UBE3C: variants seen among roughly 807,000 people sequenced by gnomAD.
The protein encoded by UBE3C is ubiquitin protein ligase E3C.
Under a neutral mutation model 129.4 loss-of-function variants are expected in UBE3C, and 42 were observed. The observed-to-expected ratio is 0.32, with a 90% CI of 0.25 to 0.42. The LOEUF is 0.42. UBE3C is among the 10% of genes least tolerant of loss of function. UBE3C has a pLI of 1.00. For synonymous variants in UBE3C, 510 were observed against 492.4 expected (o/e 1.04, Z -0.47); for missense variants, 1,049 against 1,319.1 (o/e 0.80, Z 3.17).
intron 8 of UBE3C, among the ~76,000 whole-genome samples, chr7:157,183,470 T>A (rs1479117313): frequency 3.9e-5 from 6 of 151,942 alleles, no homozygotes; most frequent in Admixed American, 2.6e-4. Context: ...TCCTGTTGAG[T>A]TTTATGGTGC....
intron 1 of UBE3C, among the ~76,000 whole-genome samples, chr7:157,159,475 A>T (rs1283270307): frequency 6.6e-6 from 1 of 152,210 alleles, no homozygotes; most frequent in East Asian, 1.9e-4. Context: ...AAAAGATCAG[A>T]CTGTGGATGG....
intron 22 of UBE3C, among the ~76,000 whole-genome samples, chr7:157,266,629 T>C (rs909820291): frequency 1.5e-4 from 23 of 152,362 alleles, no homozygotes; most frequent in African/African-American, 5.5e-4. Context: ...ATTGTATAAT[T>C]TATTAGCTGG....
At chr7:157,236,653 C>G (rs918849656) in intron 18 of UBE3C, among the ~76,000 whole-genome samples, 8 of 152,138 alleles carry the variant, frequency 5.3e-5, no homozygotes, top group African/African-American at 1.9e-4. Context: ...GAGGTGAATA[C>G]TAGTCATTTT....
chr7:157,179,886 CAG>C (rs1331950301), intron 6 of UBE3C, among the ~76,000 whole-genome samples: 1 of 152,140 alleles, frequency 6.6e-6, no homozygotes, highest in Non-Finnish European at 1.5e-5. Flanking sequence ...CTTAGGGAAA[CAG>C]TATTCCGAGT....
At chr7:157,197,508 T>G (rs1197512186) in intron 10 of UBE3C, 3 of 823,010 alleles carry the variant, frequency 3.6e-6, no homozygotes, top group Non-Finnish European at 5.1e-6. Context: ...AAAAATAATT[T>G]GTTTTTTTTT....
rs575265742 is a variant in UBE3C at position 157,240,274 on chromosome 7, C to T, written c.2482-8094C>T. Among the ~76,000 whole-genome samples, 134 of 152,218 alleles carry T rather than the reference C, an allele frequency of 8.8e-4. 1 individual carries two copies. Among genetic ancestry groups the T allele is most frequent in the Admixed American group, 2.2e-3 (34 of 15,298 alleles). On this transcript the variant is annotated intron_variant, in intron 18 of 22. Transcript: ENST00000348165. ...TTCGCCATGTTGGCCAGGCTGGTCT[C>T]GAATTCCTGGCCTCAAGTGATCCGC...
In UBE3C at chr7:157,216,891, T is replaced by G. The variant is rs1008209519; in HGVS notation, c.1834T>G (p.Leu612Val). 12 of 1,613,998 alleles carry G rather than the reference T, an allele frequency of 7.4e-6. No homozygotes were observed. Among genetic ancestry groups the G allele is most frequent in the Non-Finnish European group, 7.6e-6 (9 of 1,179,972 alleles). The change falls in exon 14 of 23, where the codon TTG becomes GTG. Residue 612 changes from leucine to valine, a missense_variant. Transcript: ENST00000348165. The stretch of plus-strand genomic sequence containing the variant: ...GGTTATCACCAATCTAGTGAAAATG[T>G]TGAAGTCCAGAGACACGAGGAGAAA... ...FKVITNLVKM[L>V]KSRDTRRNFC...
At chr7:157,204,783 A>T (rs557617416) in intron 11 of UBE3C, among the ~76,000 whole-genome samples, 50 of 152,296 alleles carry the variant, frequency 3.3e-4, no homozygotes, top group African/African-American at 1.1e-3. Flanking sequence ...AGATGTCTTC[A>T]GTGTGGGCAG....
intron 10 of UBE3C, among the ~76,000 whole-genome samples, chr7:157,194,437 G>A (rs1809059346): frequency 6.6e-6 from 1 of 152,156 alleles, no homozygotes. Context: ...CAGGTCATCT[G>A]GCAGAGAAGT....
chr7:157,267,859 C>A lies in UBE3C; in HGVS notation c.*104C>A. 2 of 970,704 alleles carry A rather than the reference C, an allele frequency of 2.1e-6. No homozygotes were observed. The highest frequency in any genetic ancestry group is 1.7e-5 in the African/African-American group (1 of 59,142). The allele number at this position is 970,704 out of a possible 1,614,324, so 60.1% of individuals were successfully genotyped here. On this transcript the variant is annotated 3_prime_UTR_variant, in exon 23 of 23. Coordinates refer to ENST00000348165, the MANE Select transcript of UBE3C (RefSeq NM_014671.3). ...CTCACACTGCACGCCTGAGGCTCTC[C>A]TAAGCTCCTTCTTTCATTCTGCCAT...
intron 4 of UBE3C, among the ~76,000 whole-genome samples, chr7:157,170,798 A>G (rs767804317): frequency 2.0e-5 from 3 of 152,066 alleles, no homozygotes; most frequent in African/African-American, 7.2e-5. Context: ...CCTGAATACC[A>G]CATCATGATT....
intron 11 of UBE3C, among the ~76,000 whole-genome samples, chr7:157,204,398 C>CAAAAAAA (rs35298527): frequency 4.6e-5 from 4 of 86,362 alleles, no homozygotes; most frequent in Admixed American, 1.3e-4. Flanking sequence ...AACTTTGTTT[C>CAAAAAAA]AAAAAAAAAA....
chr7:157,242,235 G>A (rs1376235100), intron 18 of UBE3C, among the ~76,000 whole-genome samples: 1 of 152,170 alleles, frequency 6.6e-6, no homozygotes, highest in Non-Finnish European at 1.5e-5. Flanking sequence ...AGTATCAATC[G>A]GAGTTCATGG....
At chr7:157,220,947 T>G in intron 15 of UBE3C, 171 bp downstream of exon 15, 1 of 659,774 alleles carries the variant, frequency 1.5e-6, no homozygotes, top group Non-Finnish European at 2.5e-6. Flanking sequence ...CTAGCTCCAT[T>G]GCGGCCACCT....
At chr7:157,157,810 A>G (rs1289207908) in intron 1 of UBE3C, among the ~76,000 whole-genome samples, 2 of 152,078 alleles carry the variant, frequency 1.3e-5, no homozygotes, top group South Asian at 2.1e-4. Context: ...CCTGGTCTCT[A>G]CTTTGAAAAA....
chr7:157,150,596 T>G (rs1807730868), intron 1 of UBE3C, among the ~76,000 whole-genome samples: 1 of 152,204 alleles, frequency 6.6e-6, no homozygotes, highest in African/African-American at 2.4e-5. Context: ...AATATAACAA[T>G]GCAGTGAAAT....
rs771218878 is a variant in UBE3C, at chr7:157,175,081, C to T, written c.458+47C>T. ...GTAACGTATATAATGTATTGATCAC[C>T]TTGTCTAGGGGAACACCTTTTGACT... On this transcript the variant is annotated intron_variant, in intron 5 of 22. Transcript: ENST00000348165. 2.2e-6 allele frequency: 3 copies of T among 1,342,474 alleles called. No homozygotes were observed. In the African/African-American group the frequency reaches 4.6e-5, roughly 20 times the overall value. The allele number at this position is 1,342,474 out of a possible 1,614,324, so 83.2% of individuals were successfully genotyped here. A position where few individuals can be genotyped will look rare whatever the true frequency, so the allele number is the denominator to read the frequency against.
intron 1 of UBE3C, among the ~76,000 whole-genome samples, chr7:157,148,731 CTTTTTTTTT>C (rs58138213): frequency 9.1e-5 from 12 of 131,792 alleles, no homozygotes; most frequent in African/African-American, 3.1e-4. Context: ...CAAATTAGTT[CTTTTTTTTT>C]TTTTTTTTTC....
chr7:157,189,072 G>A, intron 10 of UBE3C: 4 of 421,390 alleles, frequency 9.5e-6, no homozygotes, highest in South Asian at 9.1e-5. Flanking sequence ...CCTATAAGAA[G>A]GATGGAAAAA....
Sources: allele counts gnomAD v4.1 joint callset (sites outside exome capture counted in the v4.1 genomes callset), GRCh38; gene constraint gnomAD v4.1.1; transcripts MANE v1.5; gene names NCBI Gene and HGNC (gene_info 2026-07-23, HGNC 2026-07-21).